Variants in MRAS observed in about 807,000 individuals in gnomAD.
The protein encoded by MRAS is muscle RAS oncogene homolog, also known as ras-related protein M-Ras.
Under a neutral mutation model 20.9 loss-of-function variants are expected in MRAS, and 4 were observed. The observed-to-expected ratio is 0.19, with a 90% confidence interval of 0.09 to 0.44. The LOEUF (loss-of-function observed/expected upper bound fraction) is 0.44, where lower values mean the gene tolerates loss of function less well. MRAS is among the 20% of genes least tolerant of loss of function. The pLI, the probability that MRAS is intolerant of heterozygous loss-of-function variation, is 0.99. For synonymous variants in MRAS, 98 were observed against 102.9 expected (o/e 0.95, Z 0.29); for missense variants, 154 against 277.5 (o/e 0.56, Z 3.16).
At chr3:138,400,762 A>G (rs1181016701) in intron 5 of MRAS, 149 bp downstream of exon 5, 2 of 683,522 alleles carry the variant, frequency 2.9e-6, no homozygotes, top group Non-Finnish European at 2.5e-6. Flanking sequence ...CCCTCCTTCC[A>G]TTTCTTTCTT....
At position 138,402,584 on chromosome 3, in the gene MRAS, A is replaced by G. The variant is rs2055383602; in HGVS notation, c.*315A>G. On this transcript the variant is annotated 3_prime_UTR_variant, in exon 6 of 6. Transcript: ENST00000423968. ...TGGGTGTGTTGTTTATTGTAACTAC[A>G]TAGTGTTGGTTTGATGTGGAAGTGT... The G allele has an allele frequency of 6.3e-6, 2 of 315,294 alleles. No individual in the cohort carries two copies. The highest frequency in any genetic ancestry group is 1.2e-5 in the Non-Finnish European group (2 of 171,164). 19.5% of individuals were successfully genotyped at this position (315,294 alleles called of 1,614,324 possible). A position where few individuals can be genotyped will look rare whatever the true frequency, so the allele number is the denominator to read the frequency against.
rs193196340 is a variant in MRAS, at chr3:138,402,822, T to A, written c.*553T>A. On this transcript the variant is annotated 3_prime_UTR_variant, in exon 6 of 6. Transcript: ENST00000423968. ...TATCTGGAATATTGTTGTTGTTTTT[T>A]AACCGAGTTTTCCCATCAGTGCCAA... The A allele has an allele frequency of 1.3e-5, 2 of 152,760 alleles. No individual in the cohort carries two copies. Among genetic ancestry groups the A allele is most frequent in the African/African-American group, 4.8e-5 (2 of 41,582 alleles). 9.5% of individuals were successfully genotyped at this position (152,760 alleles called of 1,614,324 possible).
At chr3:138,398,427 G>A (rs757954629) in intron 3 of MRAS, 42 bp from the exon 4 acceptor site, 1 of 1,533,234 alleles carries the variant, frequency 6.5e-7, no homozygotes, top group East Asian at 2.2e-5. Flanking sequence ...GGTGTGAGGG[G>A]TGGTGGAAAC....
At chr3:138,350,872 G>A (rs2054213037) in intron 1 of MRAS, among the ~76,000 whole-genome samples, 1 of 150,694 alleles carries the variant, frequency 6.6e-6, no homozygotes, top group South Asian at 2.1e-4. Flanking sequence ...AAGCCCAGAA[G>A]GCAGAGGTTG....
intron 2 of MRAS, among the ~76,000 whole-genome samples, chr3:138,386,437 A>G (rs1208438589): frequency 6.6e-6 from 1 of 152,188 alleles, no homozygotes; most frequent in Admixed American, 6.6e-5. Context: ...AGTGTGTATC[A>G]GAATTCCATT....
At chr3:138,400,639 C>T (rs753786137) in intron 5 of MRAS, 26 bp downstream of exon 5, 52 of 1,575,848 alleles carry the variant, frequency 3.3e-5, no homozygotes, top group Admixed American at 5.0e-5. Context: ...TCCCTAGAAG[C>T]GGGCCTCCAC....
In MRAS at chr3:138,390,362, C is replaced by T. The variant is rs1305611392; in HGVS notation, c.194-6962C>T. On this transcript the variant is annotated intron_variant, in intron 2 of 5. Transcript: ENST00000423968. ...CAGACAGATGTGCACAACACTGACC[C>T]TGTCTCTCCATTTATCTTTCTCCTT... 2.0e-5 allele frequency among the ~76,000 whole-genome samples: 3 copies of T among 152,208 alleles called. No homozygotes were observed. In the East Asian group the frequency reaches 5.8e-4, roughly 29 times the overall value.
intron 1 of MRAS, among the ~76,000 whole-genome samples, chr3:138,366,421 A>G (rs2108510960): frequency 6.6e-6 from 1 of 152,326 alleles, no homozygotes; most frequent in Admixed American, 6.5e-5. Context: ...TTGCAATTCA[A>G]TTGGTGGGGT....
At chr3:138,369,847 G>T (rs2108515577) in intron 1 of MRAS, among the ~76,000 whole-genome samples, 2 of 152,268 alleles carry the variant, frequency 1.3e-5, no homozygotes, top group Middle Eastern at 3.4e-3. Context: ...GGCTGTGGGT[G>T]GTCTGAGTGC....
At chr3:138,365,948 G>A (rs1340663466) in intron 1 of MRAS, among the ~76,000 whole-genome samples, 2 of 152,166 alleles carry the variant, frequency 1.3e-5, no homozygotes, top group African/African-American at 2.4e-5. Flanking sequence ...GCTTAATAAC[G>A]GAGTGAGCTG....
At chr3:138,367,277 T>G (rs936111434) in intron 1 of MRAS, among the ~76,000 whole-genome samples, 5 of 152,158 alleles carry the variant, frequency 3.3e-5, no homozygotes, top group African/African-American at 1.2e-4. Flanking sequence ...GCCTTACACC[T>G]TCCTGGGGCC....
At chr3:138,375,528 G>T (rs561006884) in intron 2 of MRAS, among the ~76,000 whole-genome samples, 56 of 152,152 alleles carry the variant, frequency 3.7e-4, no homozygotes, top group African/African-American at 1.3e-3. Flanking sequence ...TTTTTGTTTT[G>T]AGACAGGGTC....
chr3:138,348,466 G>A (rs2054159096), upstream of MRAS: 1 of 152,190 alleles, frequency 6.6e-6, no homozygotes, highest in African/African-American at 2.4e-5. Context: ...TGCACGCGGG[G>A]GCGACAGGGT....
intron 1 of MRAS, among the ~76,000 whole-genome samples, chr3:138,366,639 G>A (rs1050659937): frequency 3.9e-5 from 6 of 152,206 alleles, no homozygotes; most frequent in African/African-American, 1.4e-4. Flanking sequence ...TCGTGAAGAC[G>A]CTACCCTAAG....
Position 138,386,361 on chromosome 3 carries a change from G to A in MRAS, c.194-10963G>A, listed in dbSNP as rs112418717. 3.9e-3 allele frequency among the ~76,000 whole-genome samples: 597 copies of A among 152,176 alleles called. 8 individuals carry two copies. Among genetic ancestry groups the A allele is most frequent in the African/African-American group, 0.012 (515 of 41,514 alleles). ...ACATTTCATGGAAGCAGAATGGGAC[G>A]GCACATGGTCTCTTGTGCCTGGCTT... On this transcript the variant is annotated intron_variant, in intron 2 of 5. Transcript: ENST00000423968.
Position 138,392,479 on chromosome 3 carries a change from G to T in MRAS, c.194-4845G>T, listed in dbSNP as rs114086720. On this transcript the variant is annotated intron_variant, in intron 2 of 5. Coordinates refer to ENST00000423968, the MANE Select transcript of MRAS (RefSeq NM_001085049.3). ...GTCTCTCATAATGATTATGGAATTT[G>T]TCAATTCCTGTTGTTTTTAAAAATC... Among the ~76,000 whole-genome samples the T allele has an allele frequency of 8.8e-3, 1,343 of 152,284 alleles. 15 individuals carry two copies. The highest frequency in any genetic ancestry group is 0.031 in the African/African-American group (1,298 of 41,554).
intron 5 of MRAS, 91 bp from the exon 6 acceptor site, chr3:138,402,079 C>G: frequency 7.8e-7 from 1 of 1,281,012 alleles, no homozygotes; most frequent in African/African-American, 1.5e-5. Flanking sequence ...CAGGCCTCCT[C>G]TGACTCAGAT....
intron 2 of MRAS, among the ~76,000 whole-genome samples, chr3:138,386,637 C>T (rs916001477): frequency 6.6e-6 from 1 of 152,124 alleles, no homozygotes; most frequent in Non-Finnish European, 1.5e-5. Flanking sequence ...GTGTGCGCCA[C>T]CACACCCAGC....
At chr3:138,356,141 T>C (rs937788410) in intron 1 of MRAS, among the ~76,000 whole-genome samples, 3 of 152,238 alleles carry the variant, frequency 2.0e-5, no homozygotes, top group Non-Finnish European at 4.4e-5. Context: ...ATATGTGTTA[T>C]ACTTACAGGC....
Sources: allele counts gnomAD v4.1 joint callset (sites outside exome capture counted in the v4.1 genomes callset), GRCh38; gene constraint gnomAD v4.1.1; transcripts MANE v1.5; gene names NCBI Gene and HGNC (gene_info 2026-07-23, HGNC 2026-07-21).